MLKL: variants seen among roughly 807,000 people sequenced by gnomAD.
MLKL encodes the protein mixed lineage kinase domain like pseudokinase.
A neutral mutation model predicts 56.5 loss-of-function variants in MLKL; 55 were observed. The ratio of observed to expected loss-of-function variants is 0.97; its 90% CI spans 0.78 to 1.22. MLKL has a LOEUF of 1.22. Ranked by LOEUF, MLKL falls within the 50% of genes most tolerant of loss-of-function variation. The probability of loss-of-function intolerance (pLI) is 0.00; values close to 1 mark genes in which losing one functional copy is unlikely to be tolerated. For missense variants in MLKL, 694 were observed against 573.9 expected (o/e 1.21, Z -2.14); for synonymous variants, 251 against 208.3 (o/e 1.20, Z -1.76).
intron 10 of MLKL, 81 bp downstream of exon 10, chr16:74,674,879 T>G: frequency 6.5e-7 from 1 of 1,534,714 alleles, no homozygotes; most frequent in East Asian, 2.3e-5. Flanking sequence ...AACTACTGCC[T>G]TGGAGCTGGT....
rs1960964977 is a variant in MLKL at position 74,695,376 on chromosome 16, T to C, written c.382A>G (p.Ser128Gly). ...TCCTGTGCCCAGGACGCTCCTTGGC[T>C]TATGGGTGAAACAGGCATGCGTTGC... ...VEQRMPVSPI[S>G]QGASWAQEDQ... The change falls in exon 2 of 11, where the codon AGC becomes GGC. Residue 128 changes from serine to glycine, a missense_variant. Coordinates refer to ENST00000308807, the MANE Select transcript of MLKL (RefSeq NM_152649.4). 1.2e-6 allele frequency: 2 copies of C among 1,614,180 alleles called. No homozygotes were observed. Among genetic ancestry groups the C allele is most frequent in the African/African-American group, 2.7e-5 (2 of 75,050 alleles).
intron 2 of MLKL, among the ~76,000 whole-genome samples, chr16:74,692,690 G>C (rs968248725): frequency 6.6e-6 from 1 of 152,234 alleles, no homozygotes; most frequent in Non-Finnish European, 1.5e-5. Flanking sequence ...CTCTGCATAA[G>C]GTTCCAACCT....
chr16:74,690,303 G>C (rs1222612284), intron 4 of MLKL, among the ~76,000 whole-genome samples: 2 of 152,270 alleles, frequency 1.3e-5, no homozygotes, highest in South Asian at 2.1e-4. Flanking sequence ...TGGGAGTGTA[G>C]GCATAGACAC....
At chr16:74,693,325 G>A (rs769819808) in intron 2 of MLKL, among the ~76,000 whole-genome samples, 1 of 151,558 alleles carries the variant, frequency 6.6e-6, no homozygotes, top group African/African-American at 2.4e-5. Flanking sequence ...AAAATTAGCC[G>A]GGTGTGGTGG....
chr16:74,697,773 G>T (rs895631009), intron 1 of MLKL, among the ~76,000 whole-genome samples: 1 of 150,506 alleles, frequency 6.6e-6, no homozygotes, highest in Non-Finnish European at 1.5e-5. Flanking sequence ...GAGCTATGAT[G>T]ACACCACTGC....
In MLKL at chr16:74,675,775, A is replaced by C. The variant is rs377378830; in HGVS notation, c.1039-11T>G. The C allele has an allele frequency of 6.2e-7, 1 of 1,612,962 alleles. No homozygotes were observed. The highest frequency in any genetic ancestry group is 1.1e-5 in the South Asian group (1 of 90,856). The stretch of plus-strand genomic sequence containing the variant: ...CTCAAATCCTGCAAGCTAGATAGAG[A>C]GGCAACTTAGAAAGAAACAAGCAAG... On this transcript the variant is annotated splice_polypyrimidine_tract_variant and intron_variant, in intron 7 of 10. Transcript: ENST00000308807.
chr16:74,689,122 C>CT (rs532434236), intron 4 of MLKL, among the ~76,000 whole-genome samples: 2,674 of 134,964 alleles, frequency 0.02, 80 homozygotes, highest in African/African-American at 0.065. Context: ...TTTTTTTTTT[C>CT]TTTTTTTTTT....
At chr16:74,694,584 G>C (rs1046072073) in intron 2 of MLKL, among the ~76,000 whole-genome samples, 7 of 152,084 alleles carry the variant, frequency 4.6e-5, no homozygotes, top group African/African-American at 1.7e-4. Context: ...GGGCAACATA[G>C]TGAGACTCTC....
intron 2 of MLKL, among the ~76,000 whole-genome samples, chr16:74,693,665 C>T (rs1176042307): frequency 2.1e-5 from 3 of 145,470 alleles, no homozygotes; most frequent in Non-Finnish European, 3.0e-5. Flanking sequence ...TGCAGTGGAG[C>T]GATCTCAGCT....
At chr16:74,695,213 C>G (rs1332270256) in intron 2 of MLKL, 85 bp downstream of exon 2, 2 of 1,397,544 alleles carry the variant, frequency 1.4e-6, no homozygotes, top group Non-Finnish European at 2.0e-6. Flanking sequence ...GCTCAAACTT[C>G]ATCATTGCTG....
At chr16:74,674,039 A>G (rs1182434330) in intron 10 of MLKL, among the ~76,000 whole-genome samples, 1 of 151,936 alleles carries the variant, frequency 6.6e-6, no homozygotes, top group Middle Eastern at 3.2e-3. Flanking sequence ...TGCCTTTCCA[A>G]CCCACTTTGG....
At chr16:74,699,358 G>T (rs563917528) in intron 1 of MLKL, among the ~76,000 whole-genome samples, 26 of 151,904 alleles carry the variant, frequency 1.7e-4, no homozygotes, top group Non-Finnish European at 8.8e-5. Flanking sequence ...GGGATAACCA[G>T]GATTTTAAAA....
rs754461843 is a variant in MLKL, at chr16:74,672,508, T to C, written c.1412A>G (p.Lys471Arg). ...EILKKLSTFS[K>R] is the part of the protein sequence containing the mutation. Reference sequence around the variant, plus strand: ...CTTGGTTTAGATTTTGATACACTACTTAGAAAAGGTGGAGAGTTTCTTTAA... The same window carrying C: ...CTTGGTTTAGATTTTGATACACTACCTAGAAAAGGTGGAGAGTTTCTTTAA... Residue 471 changes from lysine to arginine, a missense_variant, in exon 11 of 11, where the codon AAG becomes AGG. Transcript: ENST00000308807. The C allele has an allele frequency of 6.2e-7, 1 of 1,613,780 alleles. No individual in the cohort carries two copies. Among genetic ancestry groups the C allele is most frequent in the South Asian group, 1.1e-5 (1 of 91,076 alleles).
At position 74,673,722 on chromosome 16, in the gene MLKL, A is replaced by G. The variant is rs13335109; in HGVS notation, c.1382-1184T>C. On this transcript the variant is annotated intron_variant, in intron 10 of 10. Transcript: ENST00000308807. ...AAGGCAGACAAGGAGGGAGGAAAAA[A>G]GGAGAAAGATAGTCAAAAATAAAAC... Among the ~76,000 whole-genome samples, 1,278 of 152,208 alleles carry G rather than the reference A, an allele frequency of 8.4e-3. 14 individuals are homozygous for G. The highest frequency in any genetic ancestry group is 0.024 in the African/African-American group (1,002 of 41,520).
At chr16:74,688,442 A>C (rs1304448031) in intron 4 of MLKL, among the ~76,000 whole-genome samples, 1 of 152,104 alleles carries the variant, frequency 6.6e-6, no homozygotes, top group Non-Finnish European at 1.5e-5. Flanking sequence ...GGCCAGGTGC[A>C]GTGGCTCAAG....
chr16:74,685,352 AT>A, intron 5 of MLKL, 133 bp downstream of exon 5: 1 of 694,082 alleles, frequency 1.4e-6, no homozygotes, highest in Non-Finnish European at 2.4e-6. Flanking sequence ...AAAAAAAAAA[AT>A]TAACATTGAT....
In MLKL at chr16:74,694,673, G is replaced by C. The variant is rs571537504; in HGVS notation, c.460+625C>G. Among the ~76,000 whole-genome samples, 17 of 152,302 alleles carry C rather than the reference G, an allele frequency of 1.1e-4. No individual in the cohort carries two copies. The East Asian group carries it at 3.1e-3, about 28-fold the overall frequency. On this transcript the variant is annotated intron_variant, in intron 2 of 10. Transcript: ENST00000308807. ...TAGTACCAGCCACTCGGGAGCCTGAGGTGGGAGGATCACTTGAACCTGAGG... is the reference window on the plus strand; with the variant it reads ...TAGTACCAGCCACTCGGGAGCCTGACGTGGGAGGATCACTTGAACCTGAGG...
At chr16:74,697,093 G>A (rs1037856930) in intron 1 of MLKL, among the ~76,000 whole-genome samples, 17 of 150,714 alleles carry the variant, frequency 1.1e-4, no homozygotes, top group Non-Finnish European at 2.5e-4. Flanking sequence ...GCACACACCC[G>A]TAGTCTCAGC....
intron 4 of MLKL, among the ~76,000 whole-genome samples, chr16:74,689,638 T>C (rs1415180942): frequency 6.6e-6 from 1 of 152,084 alleles, no homozygotes; most frequent in African/African-American, 2.4e-5. Flanking sequence ...CGAAATTTAC[T>C]GCAAAGTCAT....
Sources: allele counts gnomAD v4.1 joint callset (sites outside exome capture counted in the v4.1 genomes callset), GRCh38; gene constraint gnomAD v4.1.1; transcripts MANE v1.5; gene names NCBI Gene and HGNC (gene_info 2026-07-23, HGNC 2026-07-21).